COPS4: variants seen among roughly 807,000 people sequenced by gnomAD.
COPS4 encodes the protein COP9 signalosome complex subunit 4.
A neutral mutation model predicts 55.1 loss-of-function variants in COPS4; 8 were observed. That is an observed-to-expected ratio of 0.15 (90% CI 0.09 to 0.26). COPS4 has a LOEUF of 0.26. Among genes scored for constraint, COPS4 ranks in the 10% least tolerant of loss-of-function variants. The pLI, the probability that COPS4 is intolerant of heterozygous loss-of-function variation, is 1.00. For synonymous variants in COPS4, 185 were observed against 165.7 expected (o/e 1.12, Z -0.90); for missense variants, 248 against 484.0 (o/e 0.51, Z 4.58).
chr4:83,041,358 C>T (rs62311707), intron 1 of COPS4, among the ~76,000 whole-genome samples: 5 of 151,850 alleles, frequency 3.3e-5, no homozygotes, highest in African/African-American at 4.8e-5. Context: ...CCACTGCGCC[C>T]GGCCAAATTT....
Position 83,068,432 on chromosome 4 carries a change from C to A in COPS4, c.1003-6C>A. The A allele has an allele frequency of 6.3e-7, 1 of 1,593,678 alleles. No individual in the cohort carries two copies. Among genetic ancestry groups the A allele is most frequent in the South Asian group, 1.1e-5 (1 of 88,852 alleles). ...AGTTTCTGAGAGTTTTTTTTTCCCCCAATAGGCGGAAAAGATAGCATCTCA... is the reference window on the plus strand; with the variant it reads ...AGTTTCTGAGAGTTTTTTTTTCCCCAAATAGGCGGAAAAGATAGCATCTCA... On this transcript the variant is annotated splice_region_variant and splice_polypyrimidine_tract_variant and intron_variant, in intron 8 of 9. Coordinates refer to ENST00000264389, the MANE Select transcript of COPS4 (RefSeq NM_016129.3).
At chr4:83,038,941 CCAG>C (rs1394085896) in intron 1 of COPS4, among the ~76,000 whole-genome samples, 1 of 152,040 alleles carries the variant, frequency 6.6e-6, no homozygotes, top group Non-Finnish European at 1.5e-5. Flanking sequence ...CCGCGCCTGG[CCAG>C]CACTTACCTG....
intron 9 of COPS4, among the ~76,000 whole-genome samples, chr4:83,074,609 C>T (rs1418837725): frequency 1.3e-5 from 2 of 150,788 alleles, no homozygotes; most frequent in Non-Finnish European, 3.0e-5. Context: ...ATTACAGGCG[C>T]CCGCCACCAC....
chr4:83,041,074 T>G (rs1730556716), intron 1 of COPS4, among the ~76,000 whole-genome samples: 1 of 150,982 alleles, frequency 6.6e-6, no homozygotes, highest in African/African-American at 2.4e-5. Context: ...TTTTGTTTTT[T>G]TTTTTTGAGA....
intron 4 of COPS4, among the ~76,000 whole-genome samples, chr4:83,056,141 A>G (rs1731007274): frequency 6.6e-6 from 1 of 152,076 alleles, no homozygotes; most frequent in Non-Finnish European, 1.5e-5. Flanking sequence ...CATGTTGGTC[A>G]GGGTGGTCTT....
chr4:83,052,196 A>T (rs1730904351), intron 4 of COPS4, among the ~76,000 whole-genome samples: 1 of 152,204 alleles, frequency 6.6e-6, no homozygotes, highest in African/African-American at 2.4e-5. Context: ...AGGTAGGAAG[A>T]AAAACAGGGT....
At chr4:83,075,197 C>G (rs1467216723) in intron 9 of COPS4, 100 bp from the exon 10 acceptor site, 14 of 1,010,538 alleles carry the variant, frequency 1.4e-5, no homozygotes, top group Non-Finnish European at 2.0e-5. Flanking sequence ...GAACATGCCT[C>G]TTCCAAGAAT....
chr4:83,049,752 T>C, intron 3 of COPS4, 129 bp from the exon 4 acceptor site: 1 of 602,436 alleles, frequency 1.7e-6, no homozygotes, highest in Non-Finnish European at 2.9e-6. Flanking sequence ...TGGGTGGTCT[T>C]GATAAACGTT....
intron 9 of COPS4, among the ~76,000 whole-genome samples, chr4:83,069,105 A>G (rs1165588218): frequency 6.6e-6 from 1 of 152,210 alleles, no homozygotes; most frequent in African/African-American, 2.4e-5. Context: ...CATACCATGT[A>G]TCAGGCATAT....
intron 4 of COPS4, among the ~76,000 whole-genome samples, chr4:83,054,023 A>T (rs927250757): frequency 7.2e-5 from 11 of 152,024 alleles, no homozygotes. Flanking sequence ...TGGCAAGTAT[A>T]AAACGGTACC....
intron 1 of COPS4, among the ~76,000 whole-genome samples, chr4:83,042,140 C>T (rs956034656): frequency 1.3e-5 from 2 of 152,204 alleles, no homozygotes; most frequent in Non-Finnish European, 2.9e-5. Context: ...GCTGGGATTA[C>T]AGGCGTGAGC....
chr4:83,045,974 C>G (rs113112178), intron 2 of COPS4, among the ~76,000 whole-genome samples: 2,644 of 152,136 alleles, frequency 0.017, 59 homozygotes, highest in African/African-American at 0.035. Context: ...GGATTCAAAT[C>G]CTGGTATGCT....
chr4:83,069,173 G>A (rs1043354891), intron 9 of COPS4, among the ~76,000 whole-genome samples: 3 of 152,124 alleles, frequency 2.0e-5, no homozygotes, highest in African/African-American at 7.2e-5. Flanking sequence ...AGGCAGACAG[G>A]TAAGTGGATC....
intron 1 of COPS4, among the ~76,000 whole-genome samples, chr4:83,039,604 C>A (rs1236981410): frequency 6.6e-6 from 1 of 152,060 alleles, no homozygotes; most frequent in Non-Finnish European, 1.5e-5. Flanking sequence ...TAAATCATTT[C>A]ATCAGTCTTG....
intron 4 of COPS4, among the ~76,000 whole-genome samples, chr4:83,054,558 A>G (rs1215569596): frequency 1.3e-5 from 2 of 152,134 alleles, no homozygotes; most frequent in Admixed American, 6.6e-5. Context: ...AAAAGCCTTC[A>G]TATGTAGATG....
intron 1 of COPS4, among the ~76,000 whole-genome samples, chr4:83,041,531 A>G (rs905940825): frequency 6.6e-6 from 1 of 152,166 alleles, no homozygotes; most frequent in Non-Finnish European, 1.5e-5. Flanking sequence ...AGGCTGGAGT[A>G]CAGTGGCTCA....
intron 1 of COPS4, among the ~76,000 whole-genome samples, chr4:83,043,197 T>C (rs1165336381): frequency 1.3e-5 from 2 of 151,846 alleles, no homozygotes; most frequent in Non-Finnish European, 2.9e-5. Flanking sequence ...TACAGATTAG[T>C]TGATTGATTA....
At chr4:83,065,110 A>G in intron 7 of COPS4, 1 of 668,156 alleles carries the variant, frequency 1.5e-6, no homozygotes, top group South Asian at 1.6e-5. Context: ...CCTGGGCTCA[A>G]GCAGTTCCTC....
chr4:83,045,540 A>G, intron 1 of COPS4, 86 bp from the exon 2 acceptor site: 2 of 1,021,320 alleles, frequency 2.0e-6, no homozygotes, highest in East Asian at 2.4e-5. Context: ...AAACCAAGGT[A>G]TGTAGAAATG....
Sources: gnomAD v4.1 joint callset for allele counts (sites outside exome capture counted in the v4.1 genomes callset) on GRCh38, gnomAD v4.1.1 for gene constraint, MANE v1.5 for transcripts, NCBI Gene and HGNC (gene_info 2026-07-23, HGNC 2026-07-21) for gene names.